The following TGFB1I1 variants were observed in gnomAD, a reference collection of about 807,000 sequenced individuals.
TGFB1I1 encodes transforming growth factor beta-1-induced transcript 1 protein.
Under a neutral mutation model 52.0 loss-of-function variants are expected in TGFB1I1, and 33 were observed. That is an observed-to-expected ratio of 0.63 (90% confidence interval 0.48 to 0.85). The LOEUF (loss-of-function observed/expected upper bound fraction) is 0.85. TGFB1I1 is among the 40% of genes least tolerant of loss of function. The pLI, the probability that TGFB1I1 is intolerant of heterozygous loss-of-function variation, is 0.00. For synonymous variants in TGFB1I1, 236 were observed against 253.3 expected (o/e 0.93, Z 0.65); for missense variants, 577 against 614.9 (o/e 0.94, Z 0.65).
intron 3 of TGFB1I1, 25 bp downstream of exon 3, chr16:31,473,759 T>A: frequency 6.3e-7 from 1 of 1,581,604 alleles, no homozygotes; most frequent in Non-Finnish European, 8.6e-7. Flanking sequence ...AACCAGGGCA[T>A]GGGGGCCAAC....
At position 31,476,206 on chromosome 16, in the gene TGFB1I1, C is replaced by T. The variant is rs1288406829; in HGVS notation, c.888+21C>T. The stretch of plus-strand genomic sequence containing the variant: ...GACACGTGAGCCCCGCCCGGCCGCA[C>T]CGAGCCCGCCCTATCTCACCAGGAG... On this transcript the variant is annotated intron_variant, in intron 8 of 10. Coordinates refer to ENST00000394863, the MANE Select transcript of TGFB1I1 (RefSeq NM_001042454.3). The surrounding 1 kb of genome is among the most constrained non-coding windows in gnomAD (Gnocchi z 7.6). 1.2e-6 allele frequency: 2 copies of T among 1,604,298 alleles called. No homozygotes were observed. Among genetic ancestry groups the T allele is most frequent in the African/African-American group, 2.7e-5 (2 of 74,842 alleles).
chr16:31,473,946 G>A lies in TGFB1I1; in HGVS notation c.294G>A (p.Gln98=). The A allele has an allele frequency of 1.9e-6, 3 of 1,614,088 alleles. No homozygotes were observed. The highest frequency in any genetic ancestry group is 2.5e-6 in the Non-Finnish European group (3 of 1,180,016). ...TGLCELDRLL[Q]ELNATQFNIT... is the part of the protein sequence containing the mutation. ...TCTGTGAGCTAGATCGGTTGCTTCA[G>A]GAACTTAATGCCACTCAGTTCAACA... is the stretch of plus-strand genomic sequence containing the variant. Residue 98 remains glutamine (Q), a synonymous_variant, in exon 4 of 11, where the codon CAG becomes CAA. Transcript: ENST00000394863.
At position 31,474,084 on chromosome 16, in the gene TGFB1I1, T is replaced by C. The variant is rs2082407497; in HGVS notation, c.326-68T>C. The C allele has an allele frequency of 6.2e-7, 1 of 1,610,500 alleles. No homozygotes were observed. Among genetic ancestry groups the C allele is most frequent in the South Asian group, 1.1e-5 (1 of 90,932 alleles). ...TCCCAGAGTAGCAGTTAAAGGGACC[T>C]AAAGCCTCAAGTGTGAGGGTGCGTT... is the stretch of plus-strand genomic sequence containing the variant. On this transcript the variant is annotated intron_variant, in intron 4 of 10. Transcript: ENST00000394863. The surrounding 1 kb of genome is among the most constrained non-coding windows in gnomAD (Gnocchi z 4.2).
rs1005893440 is a variant in TGFB1I1 at position 31,473,915 on chromosome 16, C to G, written c.263C>G (p.Thr88Ser). The change falls in exon 4 of 11, where the codon ACC becomes AGC. Residue 88 changes from threonine to serine, a missense_variant. Physicochemically the swap from Thr to Ser is moderately conservative, Grantham distance 58. Around this residue, in one of 3 missense-constraint regions of TGFB1I1, gnomAD observed 113 missense variants for 123.9 expected, o/e 0.91. Coordinates refer to ENST00000394863, the MANE Select transcript of TGFB1I1 (RefSeq NM_001042454.3). ...TCCTCTTCCAGCGGTGTCTTGGGTA[C>G]CGGGCTCTGTGAGCTAGATCGGTTG... is the stretch of plus-strand genomic sequence containing the variant. ...PFSSSSGVLG[T>S]GLCELDRLLQ... is the part of the protein sequence containing the mutation. 1 of 1,614,126 alleles carries G rather than the reference C, an allele frequency of 6.2e-7. No homozygotes were observed. Among genetic ancestry groups the G allele is most frequent in the Non-Finnish European group, 8.5e-7 (1 of 1,180,024 alleles).
In TGFB1I1 at chr16:31,476,203, G is replaced by T. The variant is rs1006384419; in HGVS notation, c.888+18G>T. On this transcript the variant is annotated intron_variant, in intron 8 of 10. Transcript: ENST00000394863. This position sits in a 1 kb window ranked among gnomAD's most constrained non-coding sequence, Gnocchi z 7.6. ...TCCGACACGTGAGCCCCGCCCGGCC[G>T]CACCGAGCCCGCCCTATCTCACCAG... The T allele has an allele frequency of 6.8e-6, 11 of 1,606,124 alleles. No individual in the cohort carries two copies. Among genetic ancestry groups the T allele is most frequent in the Admixed American group, 1.7e-5 (1 of 59,658 alleles).
chr16:31,476,972 C>T lies in TGFB1I1; in HGVS notation c.1081C>T (p.Leu361Phe), dbSNP rs752570684. 1.3e-6 allele frequency: 2 copies of T among 1,596,818 alleles called. No individual in the cohort carries two copies. Among genetic ancestry groups the T allele is most frequent in the Admixed American group, 1.7e-5 (1 of 59,228 alleles). The change falls in exon 10 of 11, where the codon CTC becomes TTC. Residue 361 changes from leucine (L) to phenylalanine (F), a missense_variant. Leu to Phe is a conservative substitution (Grantham distance 22). This residue lies in a region of TGFB1I1 where 456 missense variants were observed against 461.6 expected (regional missense o/e 0.99). Transcript: ENST00000394863. This position sits in a 1 kb window ranked among gnomAD's most constrained non-coding sequence, Gnocchi z 7.6. The stretch of plus-strand genomic sequence containing the variant: ...CATCCTGGATAACTACATCTCGGCG[C>T]TCAGCGCGCTCTGGCACCCGGACTG... ...GPILDNYISA[L>F]SALWHPDCFV...
intron 7 of TGFB1I1, chr16:31,475,442 T>C (rs138264950): frequency 6.5e-6 from 1 of 152,988 alleles, no homozygotes; most frequent in African/African-American, 2.4e-5. Context: ...CTTATTTATT[T>C]TGAGGCAAAT....
At position 31,477,791 on chromosome 16, in the gene TGFB1I1, C is replaced by T; in HGVS notation, c.*215C>T. On this transcript the variant is annotated 3_prime_UTR_variant, in exon 11 of 11. Transcript: ENST00000394863. The surrounding 1 kb of genome is among the most constrained non-coding windows in gnomAD (Gnocchi z 4.7). ...AAAGTGGATTGCACACAGACAAGAACTCCCGTGCGGGCCTCCACTCTATTC... is the reference window on the plus strand; with the variant it reads ...AAAGTGGATTGCACACAGACAAGAATTCCCGTGCGGGCCTCCACTCTATTC... The T allele has an allele frequency of 1.6e-6, 1 of 637,290 alleles. No homozygotes were observed. The highest frequency in any genetic ancestry group is 2.6e-6 in the Non-Finnish European group (1 of 385,242). 39.5% of individuals were successfully genotyped at this position (637,290 alleles called of 1,614,324 possible).
intron 1 of TGFB1I1, 39 bp downstream of exon 1, chr16:31,472,240 C>A: frequency 6.8e-7 from 1 of 1,468,636 alleles, no homozygotes; most frequent in Non-Finnish European, 9.0e-7. Context: ...GGCCCCTCAC[C>A]GCTGCCCAGA....
Position 31,476,209 on chromosome 16 carries a change from A to T in TGFB1I1, c.888+24A>T. The stretch of plus-strand genomic sequence containing the variant: ...ACGTGAGCCCCGCCCGGCCGCACCG[A>T]GCCCGCCCTATCTCACCAGGAGAGC... On this transcript the variant is annotated intron_variant, in intron 8 of 10. Coordinates refer to ENST00000394863, the MANE Select transcript of TGFB1I1 (RefSeq NM_001042454.3). The surrounding 1 kb of genome is among the most constrained non-coding windows in gnomAD (Gnocchi z 7.6). 1 of 1,603,456 alleles carries T rather than the reference A, an allele frequency of 6.2e-7. No homozygotes were observed. Among genetic ancestry groups the T allele is most frequent in the Non-Finnish European group, 8.5e-7 (1 of 1,176,132 alleles).
intron 7 of TGFB1I1, 37 bp from the exon 8 acceptor site, chr16:31,475,975 C>T (rs1467561901): frequency 1.3e-6 from 2 of 1,585,720 alleles, no homozygotes; most frequent in South Asian, 2.2e-5. Flanking sequence ...ATGTGGTTGT[C>T]AGAGCCGCTC....
chr16:31,477,119 G>T lies in TGFB1I1; in HGVS notation c.1119+109G>T. On this transcript the variant is annotated intron_variant, in intron 10 of 10. Coordinates refer to ENST00000394863, the MANE Select transcript of TGFB1I1 (RefSeq NM_001042454.3). This position sits in a 1 kb window ranked among gnomAD's most constrained non-coding sequence, Gnocchi z 4.7. The stretch of plus-strand genomic sequence containing the variant: ...GTGCAGGGCAGGGGGCGGGCCCTCG[G>T]GGGGGCGGGTCACGGGAGGTGCTGC... The T allele has an allele frequency of 1.4e-6, 2 of 1,383,046 alleles. No individual in the cohort carries two copies. The highest frequency in any genetic ancestry group is 1.9e-6 in the Non-Finnish European group (2 of 1,041,540). The allele number at this position is 1,383,046 out of a possible 1,614,324, so 85.7% of individuals were successfully genotyped here.
chr16:31,476,722 T>G lies in TGFB1I1; in HGVS notation c.971-140T>G. ...GACTCCGGACCCGAGCCCTCCCCGCTCTGTCCCGCCATAGACCCGGCTCCT... is the reference window on the plus strand; with the variant it reads ...GACTCCGGACCCGAGCCCTCCCCGCGCTGTCCCGCCATAGACCCGGCTCCT... On this transcript the variant is annotated intron_variant, in intron 9 of 10. Coordinates refer to ENST00000394863, the MANE Select transcript of TGFB1I1 (RefSeq NM_001042454.3). The surrounding 1 kb of genome is among the most constrained non-coding windows in gnomAD (Gnocchi z 7.6). 6.7e-7 allele frequency: 1 copy of G among 1,483,032 alleles called. No homozygotes were observed. The highest frequency in any genetic ancestry group is 1.3e-5 in the South Asian group (1 of 78,926). 91.9% of individuals were successfully genotyped at this position (1,483,032 alleles called of 1,614,324 possible). A position where few individuals can be genotyped will look rare whatever the true frequency, so the allele number is the denominator to read the frequency against.
chr16:31,476,912 C>T lies in TGFB1I1; in HGVS notation c.1021C>T (p.Leu341=), dbSNP rs1449596001. 6.2e-7 allele frequency: 1 copy of T among 1,609,530 alleles called. No homozygotes were observed. The change falls in exon 10 of 11, where the codon CTG becomes TTG. Residue 341 remains leucine (L), a synonymous_variant. Transcript: ENST00000394863. This position sits in a 1 kb window ranked among gnomAD's most constrained non-coding sequence, Gnocchi z 7.6. The part of the protein sequence containing the change: ...RPYCRRDFLQ[L]FAPRCQGCQG... ...CTACTGCCGCCGGGACTTCCTGCAG[C>T]TGTTCGCCCCGCGCTGCCAGGGCTG... is the stretch of plus-strand genomic sequence containing the variant.
rs2082425252 is a variant in TGFB1I1 at position 31,476,559 on chromosome 16, G to T, written c.967G>T (p.Glu323Ter). 6.2e-7 allele frequency: 1 copy of T among 1,612,500 alleles called. No individual in the cohort carries two copies. The highest frequency in any genetic ancestry group is 8.5e-7 in the Non-Finnish European group (1 of 1,179,666). ...CVSCGEPFGD[E>*]GFHEREGRPY... The stretch of plus-strand genomic sequence containing the variant: ...CAGTTGCGGGGAGCCCTTCGGAGAT[G>T]AGGGTGAGAGTGAACTCGACTCCCA... The change falls in exon 9 of 11, where the codon GAG (glutamate) becomes TAG (stop). Residue 323 changes from glutamate (E) to a stop codon, truncating the protein, a stop_gained. Transcript: ENST00000394863. LOFTEE classifies it high-confidence loss of function. This position sits in a 1 kb window ranked among gnomAD's most constrained non-coding sequence, Gnocchi z 7.6.
At position 31,474,746 on chromosome 16, in the gene TGFB1I1, A is replaced by C. The variant is rs762846575; in HGVS notation, c.703A>C (p.Ile235Leu). 3.7e-6 allele frequency: 6 copies of C among 1,607,338 alleles called. No homozygotes were observed. Among genetic ancestry groups the C allele is most frequent in the Non-Finnish European group, 4.2e-6 (5 of 1,177,398 alleles). The change falls in exon 7 of 11, where the codon ATT (isoleucine) becomes CTT (leucine). Residue 235 changes from isoleucine (I) to leucine (L), a missense_variant. Around this residue, in one of 3 missense-constraint regions of TGFB1I1, gnomAD observed 456 missense variants for 461.6 expected, o/e 0.99. Transcript: ENST00000394863. This position sits in a 1 kb window ranked among gnomAD's most constrained non-coding sequence, Gnocchi z 4.2. ...CCTCTGTGGCTCCTGCAATAAACCT[A>C]TTGCTGGGCAAGTAAGTGGAGCCTT... is the stretch of plus-strand genomic sequence containing the variant. Reference protein sequence around the residue: ...KGLCGSCNKPIAGQVVTALGR... With the variant: ...KGLCGSCNKPLAGQVVTALGR...
At chr16:31,472,301 C>T (rs11646911) in intron 1 of TGFB1I1, 100 bp downstream of exon 1, 543,213 of 1,367,808 alleles carry the variant, frequency 0.4, 113,406 homozygotes, top group Admixed American at 0.55. Flanking sequence ...TGTCTTCTTA[C>T]TTCTGCTTTT....
Position 31,477,429 on chromosome 16 carries a change from C to T in TGFB1I1, c.1239C>T (p.Thr413=), listed in dbSNP as rs1379923227. Residue 413 remains threonine, a synonymous_variant, in exon 11 of 11, where the codon ACC becomes ACT. Coordinates refer to ENST00000394863, the MANE Select transcript of TGFB1I1 (RefSeq NM_001042454.3). This position sits in a 1 kb window ranked among gnomAD's most constrained non-coding sequence, Gnocchi z 4.7. ...GCGCCACGTGTGGCCTCCCTGTGAC[C>T]GGCCGCTGCGTGTCGGCCCTGGGTC... ...SLCATCGLPV[T]GRCVSALGRR... 3 of 1,601,992 alleles carry T rather than the reference C, an allele frequency of 1.9e-6. No individual in the cohort carries two copies. The highest frequency in any genetic ancestry group is 2.6e-6 in the Non-Finnish European group (3 of 1,175,036).
At chr16:31,475,840 G>C in intron 7 of TGFB1I1, 172 bp from the exon 8 acceptor site, 1 of 698,286 alleles carries the variant, frequency 1.4e-6, no homozygotes, top group Non-Finnish European at 2.3e-6. Flanking sequence ...AGCGCAGCTG[G>C]AAGACGGAAC....
Sources: allele counts gnomAD v4.1 joint callset, GRCh38; gene constraint gnomAD v4.1.1; regional missense constraint gnomAD v4.1.1; non-coding constraint Gnocchi (gnomAD v3.1); transcripts MANE v1.5; gene names NCBI Gene and HGNC (gene_info 2026-07-23, HGNC 2026-07-21).